LRP2: variants seen among roughly 807,000 people sequenced by gnomAD.
The protein encoded by LRP2 is LDL receptor related protein 2.
A neutral mutation model predicts 531.0 loss-of-function variants in LRP2; 172 were observed. That is an observed-to-expected ratio of 0.32 (90% CI 0.29 to 0.37). The LOEUF (loss-of-function observed/expected upper bound fraction) is 0.37. Ranked by LOEUF, LRP2 falls within the 10% of genes least tolerant of loss-of-function variation. The probability of loss-of-function intolerance (pLI) is 1.00; values close to 1 mark genes in which losing one functional copy is unlikely to be tolerated. For missense variants in LRP2, 5,167 were observed against 5,868.3 expected (o/e 0.88, Z 3.90); for synonymous variants, 1,992 against 2,027.6 (o/e 0.98, Z 0.47).
chr2:169,177,772 AC>A, intron 53 of LRP2, 30 bp downstream of exon 53: 1 of 1,587,750 alleles, frequency 6.3e-7, no homozygotes, highest in Non-Finnish European at 8.7e-7. Flanking sequence ...ACCCAAGGCA[AC>A]CTTGCCAAAC....
intron 29 of LRP2, 88 bp from the exon 30 acceptor site, chr2:169,233,676 G>C (rs564119448): frequency 8.5e-7 from 1 of 1,182,506 alleles, no homozygotes; most frequent in African/African-American, 1.5e-5. Context: ...TCAAGAAGAC[G>C]GTTTCCTTTA....
rs116358988 is a variant in LRP2 at position 169,294,134 on chromosome 2, A to T, written c.652+14T>A. 5.7e-4 allele frequency: 896 copies of T among 1,567,514 alleles called. 5 individuals carry two copies. The African/African-American group carries it at 0.011, about 19-fold the overall frequency. The stretch of plus-strand genomic sequence containing the variant: ...CTCCCAACAACATGACCCAGCATAA[A>T]GAAATCACCGTACTGCAAGCATGTT... On this transcript the variant is annotated intron_variant, in intron 6 of 78. Transcript: ENST00000649046.
rs1326118659 is a variant in LRP2 at position 169,213,760 on chromosome 2, C to A, written c.5937G>T (p.Gln1979His). The change falls in exon 36 of 79, where the codon CAG (glutamine) becomes CAT (histidine). Residue 1979 changes from glutamine to histidine, a missense_variant. Physicochemically the swap from Gln to His is conservative, Grantham distance 24. Transcript: ENST00000649046. ...HDSFLYYTDEQYEVIERVDKA... is the reference protein window; with the variant it reads ...HDSFLYYTDEHYEVIERVDKA... ...TATCAACTCTTTCAATGACCTCATA[C>A]TGTTCATCAGTATAATAAAGGAAAG... The A allele has an allele frequency of 5.0e-6, 8 of 1,613,264 alleles. No homozygotes were observed. Among genetic ancestry groups the A allele is most frequent in the Non-Finnish European group, 5.9e-6 (7 of 1,179,416 alleles).
In LRP2 at chr2:169,280,483, T is replaced by A. The variant is rs1683672375; in HGVS notation, c.1208A>T (p.Asp403Val). Reference protein sequence around the residue: ...EASIIFSNGRDLLIGDIHGRS... With the variant: ...EASIIFSNGRVLLIGDIHGRS... ...TCCATGAATATCACCAATTAACAAATCCCGACCATTGGAGAAGATAATGGA... is the reference window on the plus strand; with the variant it reads ...TCCATGAATATCACCAATTAACAAAACCCGACCATTGGAGAAGATAATGGA... Residue 403 changes from aspartate (D) to valine (V), a missense_variant, in exon 11 of 79, where the codon GAT (aspartate) becomes GTT (valine). Asp to Val is a radical substitution (Grantham distance 152, BLOSUM62 -3). This residue lies in a region of LRP2 where 2,811 missense variants were observed against 3,058.0 expected (regional missense o/e 0.92). Coordinates refer to ENST00000649046, the MANE Select transcript of LRP2 (RefSeq NM_004525.3). 6.2e-7 allele frequency: 1 copy of A among 1,614,094 alleles called. No homozygotes were observed. The highest frequency in any genetic ancestry group is 8.5e-7 in the Non-Finnish European group (1 of 1,180,024).
intron 25 of LRP2, chr2:169,240,750 A>C (rs1689774356): frequency 5.1e-6 from 3 of 587,930 alleles, no homozygotes; most frequent in Non-Finnish European, 9.0e-6. Flanking sequence ...TCATTTTTTG[A>C]AACAAAGACA....
intron 31 of LRP2, 25 bp from the exon 32 acceptor site, chr2:169,226,613 CA>C (rs1559027799): frequency 6.4e-7 from 1 of 1,554,106 alleles, no homozygotes. Flanking sequence ...GAATATCAGT[CA>C]AAATCATATC....
Position 169,193,622 on chromosome 2 carries a change from G to T in LRP2, c.8830+139C>A, listed in dbSNP as rs960376409. 7.8e-5 allele frequency: 83 copies of T among 1,065,912 alleles called. No individual in the cohort carries two copies. In the African/African-American group the frequency reaches 1.1e-3, roughly 15 times the overall value. The allele number at this position is 1,065,912 out of a possible 1,614,324, so 66.0% of individuals were successfully genotyped here. On this transcript the variant is annotated intron_variant, in intron 47 of 78. Coordinates refer to ENST00000649046, the MANE Select transcript of LRP2 (RefSeq NM_004525.3). The stretch of plus-strand genomic sequence containing the variant: ...GATGATATCAAACACTCCCAGCATG[G>T]AGAAACAAAGGTAACATTCTATCAG...
At chr2:169,182,515 G>C in intron 50 of LRP2, 196 bp from the exon 51 acceptor site, 7 of 1,467,472 alleles carry the variant, frequency 4.8e-6, no homozygotes, top group Middle Eastern at 5.0e-4. Flanking sequence ...GCAAGACTGT[G>C]TGCAATAATT....
At chr2:169,269,740 C>G (rs184288965) in intron 16 of LRP2, among the ~76,000 whole-genome samples, 2 of 152,072 alleles carry the variant, frequency 1.3e-5, no homozygotes, top group African/African-American at 4.8e-5. Context: ...GCAACAAAAG[C>G]CAAAATTGAC....
chr2:169,362,027 G>A (rs1365069009), intron 1 of LRP2, among the ~76,000 whole-genome samples: 2 of 152,270 alleles, frequency 1.3e-5, no homozygotes, highest in African/African-American at 4.8e-5. Context: ...CTTTCCAGGA[G>A]CATCGGACCA....
intron 70 of LRP2, among the ~76,000 whole-genome samples, chr2:169,143,425 G>A (rs1342240262): frequency 3.9e-5 from 6 of 152,118 alleles, no homozygotes; most frequent in African/African-American, 7.2e-5. Context: ...GGCGGATCAC[G>A]AGGTCAGGAG....
chr2:169,357,549 C>A (rs1389573754), intron 1 of LRP2, among the ~76,000 whole-genome samples: 1 of 151,862 alleles, frequency 6.6e-6, no homozygotes, highest in African/African-American at 2.4e-5. Flanking sequence ...CCAGGCAGGT[C>A]TCGATCTCCT....
intron 4 of LRP2, among the ~76,000 whole-genome samples, chr2:169,304,152 C>T (rs1684354097): frequency 6.6e-6 from 1 of 152,106 alleles, no homozygotes; most frequent in Admixed American, 6.6e-5. Flanking sequence ...TCCTTTAGTC[C>T]CACTGCATTT....
chr2:169,290,809 T>C (rs767230282), intron 8 of LRP2, 36 bp downstream of exon 8: 1 of 1,608,808 alleles, frequency 6.2e-7, no homozygotes, highest in South Asian at 1.1e-5. Context: ...GAAATATCTT[T>C]ATCTGAAAGC....
Position 169,206,764 on chromosome 2 carries a change from T to C in LRP2, c.6956A>G (p.Asn2319Ser), listed in dbSNP as rs762134319. 4 of 1,614,040 alleles carry C rather than the reference T, an allele frequency of 2.5e-6. No homozygotes were observed. The South Asian group carries it at 3.3e-5, about 13-fold the overall frequency. The change falls in exon 39 of 79, where the codon AAT (asparagine) becomes AGT (serine). Residue 2319 changes from asparagine to serine, a missense_variant. Asn to Ser is a conservative substitution (Grantham distance 46). Transcript: ENST00000649046. ...NTEPPTVIRD[N>S]INWLRDVTIF... ...GGTCACATCTCTTAGCCAGTTGATATTGTCTCTTATCACTGTGGGTGGCTC... is the reference window on the plus strand; with the variant it reads ...GGTCACATCTCTTAGCCAGTTGATACTGTCTCTTATCACTGTGGGTGGCTC...
rs1465591265 is a variant in LRP2, at chr2:169,320,767, C to T, written c.187+10G>A. On this transcript the variant is annotated intron_variant, in intron 2 of 78. Coordinates refer to ENST00000649046, the MANE Select transcript of LRP2 (RefSeq NM_004525.3). ...CAAAATAGAACTTAGCCTGGCCCCT[C>T]CTCACTTACCGCAGCCAATTTCATC... 6.2e-7 allele frequency: 1 copy of T among 1,610,046 alleles called. No homozygotes were observed. The highest frequency in any genetic ancestry group is 1.3e-5 in the African/African-American group (1 of 74,846).
Position 169,152,711 on chromosome 2 carries a change from C to G in LRP2, c.12461+88G>C, listed in dbSNP as rs976525363. ...TGGCTGAGTGTACTCATATCCAGGC[C>G]CAGACTCACTCATGGCCCATGGAGT... On this transcript the variant is annotated intron_variant, in intron 67 of 78. Transcript: ENST00000649046. 9.5e-6 allele frequency: 14 copies of G among 1,476,276 alleles called. No homozygotes were observed. In the African/African-American group the frequency reaches 1.7e-4, roughly 18 times the overall value. 91.4% of individuals were successfully genotyped at this position (1,476,276 alleles called of 1,614,324 possible). A position where few individuals can be genotyped will look rare whatever the true frequency, so the allele number is the denominator to read the frequency against.
At chr2:169,244,604 G>A (rs1689933907) in intron 22 of LRP2, 89 bp downstream of exon 22, 1 of 1,532,768 alleles carries the variant, frequency 6.5e-7, no homozygotes, top group South Asian at 1.1e-5. Flanking sequence ...AAAATTGCAT[G>A]AGCCTTAGAG....
chr2:169,349,131 G>A (rs1233340000), intron 1 of LRP2, among the ~76,000 whole-genome samples: 1 of 152,134 alleles, frequency 6.6e-6, no homozygotes, highest in Non-Finnish European at 1.5e-5. Context: ...TCTTAGGGAA[G>A]GGAAGATAAT....
Sources: allele counts gnomAD v4.1 joint callset (sites outside exome capture counted in the v4.1 genomes callset), GRCh38; gene constraint gnomAD v4.1.1; regional missense constraint gnomAD v4.1.1; transcripts MANE v1.5; gene names NCBI Gene and HGNC (gene_info 2026-07-23, HGNC 2026-07-21).